Variants in DOCK9 observed in about 807,000 individuals in gnomAD.
DOCK9 encodes the protein dedicator of cytokinesis 9.
DOCK9 carries 89 observed loss-of-function variants against 263.3 expected under a neutral mutation model. The observed-to-expected ratio is 0.34, with a 90% CI of 0.28 to 0.40. DOCK9 has a LOEUF of 0.40. DOCK9 is among the 10% of genes least tolerant of loss of function. The pLI is 1.00. For missense variants in DOCK9, 2,140 were observed against 2,603.4 expected, an observed-to-expected ratio of 0.82 and a Z score of 3.87; for synonymous variants, 976 against 973.1, an observed-to-expected ratio of 1.00 and a Z score of -0.06.
At chr13:99,068,788 A>C (rs1320654112) in intron 1 of DOCK9, among the ~76,000 whole-genome samples, 1 of 152,202 alleles carries the variant, frequency 6.6e-6, no homozygotes, top group African/African-American at 2.4e-5. Context: ...ACACAGTAAA[A>C]GCCTGGGAAG....
At chr13:99,029,411 T>G (rs1887100578) in intron 1 of DOCK9, among the ~76,000 whole-genome samples, 1 of 152,248 alleles carries the variant, frequency 6.6e-6, no homozygotes, top group Non-Finnish European at 1.5e-5. Flanking sequence ...ATTAACAATT[T>G]TATACCTAAT....
chr13:98,799,443 G>C (rs1319610449), intron 50 of DOCK9, among the ~76,000 whole-genome samples: 1 of 152,094 alleles, frequency 6.6e-6, no homozygotes, highest in Admixed American at 6.5e-5. Flanking sequence ...TGGAGGGAGT[G>C]ATTTAACACT....
chr13:98,866,048 G>A lies in DOCK9; in HGVS notation c.3286+1377C>T, dbSNP rs373349630. Reference sequence around the variant, plus strand: ...AATACCTATCTGTTCTCTCAGCCCAGAAAAAGTCTCCCCCAGATATGCGGG... The same window carrying A: ...AATACCTATCTGTTCTCTCAGCCCAAAAAAAGTCTCCCCCAGATATGCGGG... On this transcript the variant is annotated intron_variant, in intron 30 of 52. Transcript: ENST00000682017. Among the ~76,000 whole-genome samples the A allele has an allele frequency of 1.4e-3, 217 of 152,246 alleles. 6 individuals are homozygous for A. In the South Asian group the frequency reaches 0.043, roughly 30 times the overall value.
chr13:98,898,988 C>T (rs2047848685), intron 13 of DOCK9, among the ~76,000 whole-genome samples: 1 of 151,118 alleles, frequency 6.6e-6, no homozygotes, highest in Admixed American at 6.6e-5. Flanking sequence ...TGTGATAGTG[C>T]TTTGTCATCA....
chr13:98,885,886 G>C, intron 19 of DOCK9, 55 bp from the exon 20 acceptor site: 1 of 1,551,092 alleles, frequency 6.4e-7, no homozygotes, highest in Non-Finnish European at 8.7e-7. Context: ...GAAACTCTCA[G>C]TGGAAGCAGA....
intron 2 of DOCK9, among the ~76,000 whole-genome samples, chr13:98,941,091 C>A (rs1462168551): frequency 1.3e-5 from 2 of 152,180 alleles, no homozygotes; most frequent in Non-Finnish European, 2.9e-5. Context: ...CACCAGGCCC[C>A]TCTGACTGAC....
At chr13:98,806,652 T>TA (rs2090746128) in intron 48 of DOCK9, among the ~76,000 whole-genome samples, 1 of 152,130 alleles carries the variant, frequency 6.6e-6, no homozygotes, top group Non-Finnish European at 1.5e-5. Flanking sequence ...CTCACGCCTA[T>TA]AATCCTAGCA....
intron 1 of DOCK9, among the ~76,000 whole-genome samples, chr13:99,034,759 G>A (rs915205926): frequency 1.3e-5 from 2 of 152,152 alleles, no homozygotes; most frequent in Admixed American, 1.3e-4. Flanking sequence ...ATGGTGAGCA[G>A]AGTTGTTAGA....
intron 27 of DOCK9, among the ~76,000 whole-genome samples, chr13:98,875,806 T>C (rs1003844939): frequency 5.9e-5 from 9 of 152,208 alleles, no homozygotes; most frequent in African/African-American, 2.2e-4. Context: ...TGCAGGTCCA[T>C]CCGCTGTAGT....
At position 98,882,088 on chromosome 13, in the gene DOCK9, G is replaced by A; in HGVS notation, c.2560-81C>T. ...AAGTAACTTCCACTCTTCCAAACAAGGATGGAAGAACTCCCTCTAAAACAA... is the reference window on the plus strand; with the variant it reads ...AAGTAACTTCCACTCTTCCAAACAAAGATGGAAGAACTCCCTCTAAAACAA... On this transcript the variant is annotated intron_variant, in intron 23 of 52. Transcript: ENST00000682017. The A allele has an allele frequency of 3.4e-6, 4 of 1,176,874 alleles. No homozygotes were observed. The East Asian group carries it at 1.0e-4, about 30-fold the overall frequency. The allele number at this position is 1,176,874 out of a possible 1,614,324, so 72.9% of individuals were successfully genotyped here. A position where few individuals can be genotyped will look rare whatever the true frequency, so the allele number is the denominator to read the frequency against.
intron 35 of DOCK9, among the ~76,000 whole-genome samples, chr13:98,852,299 G>A (rs572900622): frequency 4.6e-5 from 7 of 152,162 alleles, no homozygotes; most frequent in South Asian, 4.1e-4. Flanking sequence ...ACTCTTGCTC[G>A]TCTGTTCTTT....
At position 98,904,689 on chromosome 13, in the gene DOCK9, T is replaced by C. The variant is rs1280066017; in HGVS notation, c.978A>G (p.Glu326=). Residue 326 remains glutamate (E), a synonymous_variant, in exon 10 of 53, where the codon GAA becomes GAG. Transcript: ENST00000682017. ...CTCTGCTTTCACTTTTCAGTTTGAT[T>C]TCTGCTTCTCTTGCACTCTGATAAC... The part of the protein sequence containing the change: ...PELAKSAREA[E]IKLKSESRVK... The C allele has an allele frequency of 2.6e-6, 4 of 1,556,132 alleles. No individual in the cohort carries two copies. Among genetic ancestry groups the C allele is most frequent in the Non-Finnish European group, 3.5e-6 (4 of 1,148,878 alleles).
intron 49 of DOCK9, among the ~76,000 whole-genome samples, chr13:98,803,797 A>G (rs2090385575): frequency 6.6e-6 from 1 of 152,170 alleles, no homozygotes; most frequent in Admixed American, 6.5e-5. Context: ...TGCTTTATAT[A>G]TGCTGTCTTC....
rs532943961 is a variant in DOCK9 at position 98,963,281 on chromosome 13, C to T, written c.127-7730G>A. Among the ~76,000 whole-genome samples, 7 of 152,192 alleles carry T rather than the reference C, an allele frequency of 4.6e-5. No individual in the cohort carries two copies. The South Asian group carries it at 8.3e-4, about 18-fold the overall frequency. On this transcript the variant is annotated intron_variant, in intron 1 of 52. Coordinates refer to ENST00000682017, the MANE Select transcript of DOCK9 (RefSeq NM_001366683.2). ...ACAGCATTTGCTGCTTAGGGTCTGG[C>T]GGCCCAACATCATGCAAATTGAAAT...
intron 45 of DOCK9, among the ~76,000 whole-genome samples, chr13:98,820,400 T>C (rs1178136448): frequency 1.3e-5 from 2 of 152,194 alleles, no homozygotes; most frequent in Admixed American, 6.5e-5. Context: ...GGCCTGTTCA[T>C]GGTGTTACAG....
intron 1 of DOCK9, among the ~76,000 whole-genome samples, chr13:98,993,137 T>C (rs920376617): frequency 2.0e-5 from 3 of 152,202 alleles, no homozygotes; most frequent in African/African-American, 7.2e-5. Context: ...AAACACAGCC[T>C]CTTTTCCACA....
At chr13:98,976,977 T>C (rs1010463104) in intron 1 of DOCK9, among the ~76,000 whole-genome samples, 1 of 152,188 alleles carries the variant, frequency 6.6e-6, no homozygotes, top group African/African-American at 2.4e-5. Flanking sequence ...TACATATCAG[T>C]TTAACAATCT....
intron 1 of DOCK9, among the ~76,000 whole-genome samples, chr13:99,049,462 G>T (rs2040585801): frequency 1.3e-5 from 2 of 152,080 alleles, no homozygotes; most frequent in African/African-American, 4.8e-5. Context: ...GAAAAGAAAA[G>T]AAAAGAAAAA....
At chr13:98,810,058 C>T (rs749425513) in intron 46 of DOCK9, 111 bp downstream of exon 46, 1 of 1,437,250 alleles carries the variant, frequency 7.0e-7, no homozygotes, top group Non-Finnish European at 9.6e-7. Context: ...CAGAGACCCC[C>T]ACTCATCTCT....
Sources: allele counts gnomAD v4.1 joint callset (sites outside exome capture counted in the v4.1 genomes callset), GRCh38; gene constraint gnomAD v4.1.1; transcripts MANE v1.5; gene names NCBI Gene and HGNC (gene_info 2026-07-23, HGNC 2026-07-21).